Variants in NSUN7 observed in about 807,000 individuals in gnomAD.
NSUN7 encodes the protein protein NSUN7.
Under a neutral mutation model 58.5 loss-of-function variants are expected in NSUN7, and 39 were observed. The ratio of observed to expected loss-of-function variants is 0.67; its 90% CI spans 0.52 to 0.87. NSUN7 has a LOEUF of 0.87. NSUN7 is among the 40% of genes least tolerant of loss of function. The pLI is 0.00. For missense variants in NSUN7, 765 were observed against 844.1 expected (o/e 0.91, Z 1.16); for synonymous variants, 278 against 303.7 (o/e 0.92, Z 0.88).
intron 2 of NSUN7, among the ~76,000 whole-genome samples, chr4:40,751,488 A>C (rs1243677383): frequency 6.6e-6 from 1 of 152,132 alleles, no homozygotes; most frequent in Non-Finnish European, 1.5e-5. Context: ...ATGAGCTTTC[A>C]CAAATATAAA....
intron 7 of NSUN7, among the ~76,000 whole-genome samples, chr4:40,782,883 TAATC>T (rs770868948): frequency 6.1e-4 from 93 of 151,956 alleles, no homozygotes; most frequent in Non-Finnish European, 5.2e-4. Context: ...AAATAAAAAA[TAATC>T]AAGGAAGACA....
intron 8 of NSUN7, among the ~76,000 whole-genome samples, chr4:40,792,695 T>C (rs1024606869): frequency 2.0e-5 from 3 of 151,780 alleles, no homozygotes; most frequent in African/African-American, 7.3e-5. Flanking sequence ...GAGCCTGCAG[T>C]GAGCCGAGAT....
At position 40,776,225 on chromosome 4, in the gene NSUN7, C is replaced by A. The variant is rs116478242; in HGVS notation, c.1002C>A (p.Asp334Glu). The change falls in exon 7 of 12, where the codon GAC (aspartate) becomes GAA (glutamate). Residue 334 changes from aspartate to glutamate, a missense_variant. Physicochemically the swap from Asp to Glu is conservative, Grantham distance 45. Transcript: ENST00000381782. The part of the protein sequence containing the change: ...CGVQSQAKDP[D>E]LKTLFTKIGC... ...TACAATCACAAGCTAAGGATCCTGA[C>A]TTGAAGACCCTTTTCACAAAAATAG... 25 of 1,607,312 alleles carry A rather than the reference C, an allele frequency of 1.6e-5. No individual in the cohort carries two copies. In the African/African-American group the frequency reaches 2.8e-4, roughly 18 times the overall value.
chr4:40,757,598 GTATA>G (rs1195239039), intron 2 of NSUN7, among the ~76,000 whole-genome samples: 1 of 142,048 alleles, frequency 7.0e-6, no homozygotes, highest in Non-Finnish European at 1.5e-5. Flanking sequence ...CACATTGTGT[GTATA>G]TATATACATT....
chr4:40,784,318 T>C (rs535914029), intron 7 of NSUN7, among the ~76,000 whole-genome samples: 19 of 152,334 alleles, frequency 1.2e-4, no homozygotes, highest in African/African-American at 4.1e-4. Context: ...CAAAAGCTTG[T>C]ACATGAAAGT....
chr4:40,767,048 A>G (rs1279496906), intron 4 of NSUN7, among the ~76,000 whole-genome samples: 4 of 150,040 alleles, frequency 2.7e-5, no homozygotes, highest in Non-Finnish European at 5.9e-5. Context: ...TGGATTCATT[A>G]ATTTTTTGAA....
At position 40,780,754 on chromosome 4, in the gene NSUN7, TACACACAC is replaced by T. The variant is rs796117262; in HGVS notation, c.1036+4521_1036+4528del. Among the ~76,000 whole-genome samples the T allele has an allele frequency of 6.1e-3, 632 of 104,266 alleles. 8 individuals carry two copies. The highest frequency in any genetic ancestry group is 0.023 in the African/African-American group (594 of 26,124). The allele number at this position is 104,266 out of a possible 152,430, so 68.4% of individuals were successfully genotyped here. A position where few individuals can be genotyped will look rare whatever the true frequency, so the allele number is the denominator to read the frequency against. The stretch of plus-strand genomic sequence containing the variant: ...TTAAAATATTATGTAAACATTGAAA[TACACACAC>T]ACACACACACACACACACACACACA... On this transcript the variant is annotated intron_variant, in intron 7 of 11. Coordinates refer to ENST00000381782, the MANE Select transcript of NSUN7 (RefSeq NM_024677.6).
chr4:40,798,943 A>AT (rs779959506), intron 10 of NSUN7, 39 bp downstream of exon 10: 1 of 1,034,112 alleles, frequency 9.7e-7, no homozygotes, highest in Non-Finnish European at 1.4e-6. Context: ...ACTCAAACAA[A>AT]TATTTTTTAA....
At chr4:40,763,902 G>A (rs1348121470) in intron 4 of NSUN7, among the ~76,000 whole-genome samples, 1 of 151,950 alleles carries the variant, frequency 6.6e-6, no homozygotes, top group Non-Finnish European at 1.5e-5. Context: ...CAGTCACATT[G>A]TACTCAATTC....
In NSUN7 at chr4:40,808,611, C is replaced by T. The variant is rs1021273239; in HGVS notation, c.1829C>T (p.Ala610Val). The T allele has an allele frequency of 3.2e-6, 5 of 1,551,538 alleles. No homozygotes were observed. The highest frequency in any genetic ancestry group is 1.4e-5 in the African/African-American group (1 of 72,950). ...SSQTRKPNKLAPHPAVPAFVK... is the reference protein window; with the variant it reads ...SSQTRKPNKLVPHPAVPAFVK... ...CAGACCAGAAAACCCAACAAGCTGG[C>T]CCCCCATCCTGCAGTGCCTGCATTT... The change falls in exon 12 of 12, where the codon GCC (alanine) becomes GTC (valine). Residue 610 changes from alanine to valine, a missense_variant. Ala to Val is a moderately conservative substitution (Grantham distance 64). Transcript: ENST00000381782.
chr4:40,807,299 AAC>A, intron 11 of NSUN7, 115 bp downstream of exon 11: 1 of 960,284 alleles, frequency 1.0e-6, no homozygotes, highest in Non-Finnish European at 1.5e-6. Context: ...GCATTTCACA[AAC>A]ACATTTCAGC....
intron 10 of NSUN7, among the ~76,000 whole-genome samples, chr4:40,802,250 C>G (rs556783870): frequency 6.6e-6 from 1 of 151,508 alleles, no homozygotes; most frequent in African/African-American, 2.4e-5. Context: ...ATCTGTAATT[C>G]TATTCCATTG....
chr4:40,781,407 A>G (rs1007771060), intron 7 of NSUN7, among the ~76,000 whole-genome samples: 4 of 152,134 alleles, frequency 2.6e-5, no homozygotes, highest in Middle Eastern at 3.4e-3. Flanking sequence ...TTGAAAGTCA[A>G]TATTGGATTT....
intron 2 of NSUN7, among the ~76,000 whole-genome samples, chr4:40,759,374 G>A (rs757191009): frequency 1.3e-5 from 2 of 152,106 alleles, no homozygotes; most frequent in South Asian, 2.1e-4. Context: ...TTAAGTAGTC[G>A]TACCAAAAAG....
In NSUN7 at chr4:40,811,123, C is replaced by T. The variant is rs917509709; in HGVS notation, c.*2184C>T. The T allele has an allele frequency of 1.3e-5, 2 of 152,204 alleles. No homozygotes were observed. Among genetic ancestry groups the T allele is most frequent in the Non-Finnish European group, 2.9e-5 (2 of 68,044 alleles). 9.4% of individuals were successfully genotyped at this position (152,204 alleles called of 1,614,324 possible). A position where few individuals can be genotyped will look rare whatever the true frequency, so the allele number is the denominator to read the frequency against. ...ATTATCTCCTAACATGCATTTGGCA[C>T]TAAATTATTTTTCTCTTTAGAAGTA... is the stretch of plus-strand genomic sequence containing the variant. On this transcript the variant is annotated 3_prime_UTR_variant, in exon 12 of 12. Transcript: ENST00000381782.
intron 10 of NSUN7, among the ~76,000 whole-genome samples, chr4:40,806,183 C>T (rs1184606516): frequency 6.6e-6 from 1 of 151,980 alleles, no homozygotes; most frequent in Non-Finnish European, 1.5e-5. Flanking sequence ...TTAGCAGAGA[C>T]GGGGTTTCAC....
intron 1 of NSUN7, 112 bp from the exon 2 acceptor site, chr4:40,750,491 C>T: frequency 2.0e-6 from 1 of 504,556 alleles, no homozygotes; most frequent in South Asian, 2.3e-5. Flanking sequence ...CTGGGACACT[C>T]AGATGGGACG....
chr4:40,789,440 C>T (rs1282969163), intron 7 of NSUN7, among the ~76,000 whole-genome samples: 2 of 152,166 alleles, frequency 1.3e-5, no homozygotes, highest in East Asian at 1.9e-4. Context: ...TTGGGAAATG[C>T]GAGCCAGATT....
At chr4:40,765,690 A>T (rs921561665) in intron 4 of NSUN7, among the ~76,000 whole-genome samples, 4 of 152,104 alleles carry the variant, frequency 2.6e-5, no homozygotes, top group Non-Finnish European at 5.9e-5. Context: ...CATTTTCACG[A>T]TATTGATTCT....
Sources: gnomAD v4.1 joint callset for allele counts (sites outside exome capture counted in the v4.1 genomes callset) on GRCh38, gnomAD v4.1.1 for gene constraint, MANE v1.5 for transcripts, NCBI Gene and HGNC (gene_info 2026-07-23, HGNC 2026-07-21) for gene names.